Variants in LTK observed in about 807,000 individuals in gnomAD.
The protein encoded by LTK is leukocyte tyrosine kinase receptor.
A neutral mutation model predicts 101.5 loss-of-function variants in LTK; 117 were observed. The ratio of observed to expected loss-of-function variants is 1.15; its 90% CI spans 0.99 to 1.34. LTK has a LOEUF of 1.34. LTK is among the 40% of genes most tolerant of loss of function. The pLI is 0.00. For synonymous variants in LTK, 563 were observed against 494.2 expected (o/e 1.14, Z -1.85); for missense variants, 1,252 against 1,164.7 (o/e 1.07, Z -1.09).
chr15:41,507,959 C>T (rs1047894457), intron 9 of LTK, 110 bp downstream of exon 9: 6 of 1,224,792 alleles, frequency 4.9e-6, no homozygotes, highest in Admixed American at 2.5e-5. Context: ...CCAGCACCCA[C>T]CACAGGGCCT....
In LTK at chr15:41,504,708, G is replaced by T. The variant is rs969592963; in HGVS notation, c.2120+65C>A. On this transcript the variant is annotated intron_variant, in intron 17 of 19. Transcript: ENST00000263800. ...AGCCTCCCCTCACATGAGGTGGCTGGAAAGGACAGGATTAGCCTCAGGGGA... is the reference window on the plus strand; with the variant it reads ...AGCCTCCCCTCACATGAGGTGGCTGTAAAGGACAGGATTAGCCTCAGGGGA... 2.5e-6 allele frequency: 4 copies of T among 1,599,790 alleles called. No homozygotes were observed. In the African/African-American group the frequency reaches 5.4e-5, roughly 21 times the overall value.
rs893847895 is a variant in LTK, at chr15:41,511,682, C to CCCCAG, written c.658-109_658-105dup. ...AGGGGGCCTGGATAAGGGCAGGGGCCCCCAGCCCAGCCCAGGCCAGCCCAG... is the reference window on the plus strand; with the variant it reads ...AGGGGGCCTGGATAAGGGCAGGGGCCCCCAGCCCAGCCCAGCCCAGGCCAGCCCAG... On this transcript the variant is annotated intron_variant, in intron 5 of 19. Transcript: ENST00000263800. The surrounding 1 kb of genome is among the most constrained non-coding windows in gnomAD (Gnocchi z 5.9). 1.6e-5 allele frequency: 22 copies of CCCCAG among 1,410,852 alleles called. No individual in the cohort carries two copies. The Admixed American group carries it at 6.2e-4, about 40-fold the overall frequency. 87.4% of individuals were successfully genotyped at this position (1,410,852 alleles called of 1,614,324 possible).
At chr15:41,513,595 T>C in intron 1 of LTK, 72 bp downstream of exon 1, 1 of 1,427,926 alleles carries the variant, frequency 7.0e-7, no homozygotes, top group Non-Finnish European at 9.9e-7. Context: ...ACCTGGCCTG[T>C]TGACCGGCCA....
In LTK at chr15:41,511,274, C is replaced by T; in HGVS notation, c.887G>A (p.Gly296Asp). Residue 296 changes from glycine (G) to aspartate (D), a missense_variant, in exon 7 of 20, where the codon GGC becomes GAC. Gly to Asp is a moderately conservative substitution (Grantham distance 94). Coordinates refer to ENST00000263800, the MANE Select transcript of LTK (RefSeq NM_002344.6). The surrounding 1 kb of genome is among the most constrained non-coding windows in gnomAD (Gnocchi z 5.9). ...CCAAGCCTCGGAGCAGCCCTGGCCG[C>T]CCTCCGCCCCCTCCTGCAGTGAGCG... ...AGRSLQEGAE[G>D]GQGCSEAWAT... 1.4e-6 allele frequency: 2 copies of T among 1,417,008 alleles called. No homozygotes were observed. The highest frequency in any genetic ancestry group is 1.8e-6 in the Non-Finnish European group (2 of 1,090,512). The allele number at this position is 1,417,008 out of a possible 1,614,324, so 87.8% of individuals were successfully genotyped here.
chr15:41,505,523 G>A lies in LTK; in HGVS notation c.1705C>T (p.Arg569Cys), dbSNP rs148513655. 48 of 1,613,876 alleles carry A rather than the reference G, an allele frequency of 3.0e-5. No homozygotes were observed. The highest frequency in any genetic ancestry group is 9.9e-5 in the South Asian group (9 of 91,046). Reference sequence around the variant, plus strand: ...ACACACCGCACAATGTTCTGATGGCGAAACTTGCTGAGTGGGGTGGGGGAC... The same window carrying A: ...ACACACCGCACAATGTTCTGATGGCAAAACTTGCTGAGTGGGGTGGGGGAC... Reference protein sequence around the residue: ...LMEALIISKFRHQNIVRCVGL... With the variant: ...LMEALIISKFCHQNIVRCVGL... The change falls in exon 14 of 20, where the codon CGC (arginine) becomes TGC (cysteine). Residue 569 changes from arginine (R) to cysteine (C), a missense_variant. Transcript: ENST00000263800.
At chr15:41,509,908 T>C (rs750076834) in intron 7 of LTK, among the ~76,000 whole-genome samples, 3 of 152,202 alleles carry the variant, frequency 2.0e-5, no homozygotes, top group Non-Finnish European at 4.4e-5. Flanking sequence ...TTTTGAAATA[T>C]GTACACACTG....
chr15:41,505,632 A>G, intron 13 of LTK, 81 bp downstream of exon 13: 1 of 1,603,096 alleles, frequency 6.2e-7, no homozygotes. Flanking sequence ...CTGACTTGCT[A>G]CCTCAGCCTC....
rs1433380083 is a variant in LTK, at chr15:41,504,129, T to C, written c.2462A>G (p.Gln821Arg). 3 of 1,613,978 alleles carry C rather than the reference T, an allele frequency of 1.9e-6. No homozygotes were observed. The African/African-American group carries it at 4.0e-5, about 22-fold the overall frequency. ...SLECLRPPQP[Q>R]ELSPEKLKSW... is the part of the protein sequence containing the mutation. ...TTTCAACTTCTCTGGACTCAGTTCC[T>C]GGGGCTGTGGGGGTCTTAGGCACTC... is the stretch of plus-strand genomic sequence containing the variant. Residue 821 changes from glutamine (Q) to arginine (R), a missense_variant, in exon 20 of 20, where the codon CAG becomes CGG. Gln to Arg is a conservative substitution (Grantham distance 43). Transcript: ENST00000263800.
chr15:41,511,183 T>A lies in LTK; in HGVS notation c.978A>T (p.Gly326=), dbSNP rs1283134165. 1.4e-6 allele frequency: 2 copies of A among 1,405,666 alleles called. No individual in the cohort carries two copies. Among genetic ancestry groups the A allele is most frequent in the African/African-American group, 1.5e-5 (1 of 66,044 alleles). 87.1% of individuals were successfully genotyped at this position (1,405,666 alleles called of 1,614,324 possible). Residue 326 remains glycine, a synonymous_variant, in exon 7 of 20, where the codon GGA becomes GGT. Transcript: ENST00000263800. This position sits in a 1 kb window ranked among gnomAD's most constrained non-coding sequence, Gnocchi z 5.9. ...ACCTACCCCTGTAGCCGCCGCCGCC[T>A]CCGCCCGCAGTGCAGGCCCCGCCGC... ...GGGGGACTAG[G]GGGGYRGGDA...
At chr15:41,510,315 G>A (rs2777490) in intron 7 of LTK, among the ~76,000 whole-genome samples, 59,240 of 151,708 alleles carry the variant, frequency 0.39, 12,222 homozygotes, top group Admixed American at 0.46. Context: ...CTCTCTTAGC[G>A]ATTTTCAAGA....
In LTK at chr15:41,507,561, C is replaced by T; in HGVS notation, c.1345+1G>A. The T allele has an allele frequency of 1.2e-6, 2 of 1,613,574 alleles. No individual in the cohort carries two copies. The highest frequency in any genetic ancestry group is 8.5e-7 in the Non-Finnish European group (1 of 1,179,870). On this transcript the variant is annotated splice_donor_variant, in intron 10 of 19. Transcript: ENST00000263800. LOFTEE classifies it high-confidence loss of function. Reference sequence around the variant, plus strand: ...AACTGTGCCTGCTAGACGCTTCGTACCCAGAATCAGGACCCCACACACCAT... The same window carrying T: ...AACTGTGCCTGCTAGACGCTTCGTATCCAGAATCAGGACCCCACACACCAT...
intron 8 of LTK, 88 bp downstream of exon 8, chr15:41,508,943 A>AG (rs1186160823): frequency 3.8e-6 from 3 of 784,296 alleles, no homozygotes; most frequent in Non-Finnish European, 6.4e-6. Flanking sequence ...TTCACAGTGC[A>AG]GGTGGCTCTT....
At chr15:41,505,139 T>G in intron 15 of LTK, 69 bp downstream of exon 15, 3 of 1,584,464 alleles carry the variant, frequency 1.9e-6, no homozygotes, top group Non-Finnish European at 2.6e-6. Flanking sequence ...CCTTAAAAGC[T>G]GTGTGGAAGG....
rs1238167238 is a variant in LTK at position 41,511,390 on chromosome 15, C to T, written c.814+32G>A. On this transcript the variant is annotated intron_variant, in intron 6 of 19. Transcript: ENST00000263800. The surrounding 1 kb of genome is among the most constrained non-coding windows in gnomAD (Gnocchi z 5.9). ...AAGGTTGGCAGCCACACGGGGAGCA[C>T]GCCCGCCTCTCCCCGCGGCCCGCGC... 7.3e-7 allele frequency: 1 copy of T among 1,370,496 alleles called. No homozygotes were observed. The highest frequency in any genetic ancestry group is 9.3e-7 in the Non-Finnish European group (1 of 1,070,840). The allele number at this position is 1,370,496 out of a possible 1,614,324, so 84.9% of individuals were successfully genotyped here. A position where few individuals can be genotyped will look rare whatever the true frequency, so the allele number is the denominator to read the frequency against.
In LTK at chr15:41,505,284, T is replaced by G; in HGVS notation, c.1849A>C (p.Met617Leu). The G allele has an allele frequency of 3.1e-6, 5 of 1,614,044 alleles. No individual in the cohort carries two copies. The highest frequency in any genetic ancestry group is 4.2e-6 in the Non-Finnish European group (5 of 1,180,000). The change falls in exon 15 of 20, where the codon ATG becomes CTG. Residue 617 changes from methionine to leucine, a missense_variant. By Grantham distance (15) the Met-to-Leu change is conservative. Transcript: ENST00000263800. ...TGGGCCAGTTGCAGCAGGTCCCGCA[T>G]GACCAGAGGTGATGGCTGGCCCTGG... ...PHLGQPSPLVMRDLLQLAQDI... is the reference protein window; with the variant it reads ...PHLGQPSPLVLRDLLQLAQDI...
rs764924618 is a variant in LTK at position 41,505,382 on chromosome 15, G to A, written c.1827+19C>T. The A allele has an allele frequency of 1.9e-6, 3 of 1,613,492 alleles. No homozygotes were observed. Among genetic ancestry groups the A allele is most frequent in the Non-Finnish European group, 2.5e-6 (3 of 1,179,866 alleles). On this transcript the variant is annotated intron_variant, in intron 14 of 19. Transcript: ENST00000263800. ...AGGGTCTTTAGAGGGGCCTGGGGGG[G>A]CTAAGACAAGGGTCTCACCAGGTGT...
chr15:41,507,658 C>G lies in LTK; in HGVS notation c.1250-1G>C. On this transcript the variant is annotated splice_acceptor_variant, in intron 9 of 19. Coordinates refer to ENST00000263800, the MANE Select transcript of LTK (RefSeq NM_002344.6). LOFTEE classifies it high-confidence loss of function. Reference sequence around the variant, plus strand: ...AGAGGGCCTGGGGGCTTGTGCAGGTCTAGGGAGAAAGAGAGACACCTCCAG... The same window carrying G: ...AGAGGGCCTGGGGGCTTGTGCAGGTGTAGGGAGAAAGAGAGACACCTCCAG... The G allele has an allele frequency of 6.2e-7, 1 of 1,612,442 alleles. No homozygotes were observed. The highest frequency in any genetic ancestry group is 8.5e-7 in the Non-Finnish European group (1 of 1,179,444).
intron 11 of LTK, among the ~76,000 whole-genome samples, 156 bp downstream of exon 11, chr15:41,506,939 T>C (rs1358907687): frequency 6.6e-6 from 1 of 152,180 alleles, no homozygotes; most frequent in African/African-American, 2.4e-5. Context: ...TTGAGCAAGT[T>C]ACTTCCCCTT....
intron 11 of LTK, 81 bp downstream of exon 11, chr15:41,507,014 T>C (rs2140707215): frequency 7.1e-7 from 1 of 1,405,078 alleles, no homozygotes; most frequent in Non-Finnish European, 9.8e-7. Context: ...TTTCTGGGAC[T>C]TATAATTCAC....
Sources: gnomAD v4.1 joint callset for allele counts (sites outside exome capture counted in the v4.1 genomes callset) on GRCh38, gnomAD v4.1.1 for gene constraint, Gnocchi (gnomAD v3.1) non-coding constraint, MANE v1.5 for transcripts, NCBI Gene and HGNC (gene_info 2026-07-23, HGNC 2026-07-21) for gene names.